Variants in TBC1D22A observed in about 807,000 individuals in gnomAD.
TBC1D22A encodes TBC1 domain family member 22A.
Under a neutral mutation model 60.2 loss-of-function variants are expected in TBC1D22A, and 38 were observed. The observed-to-expected ratio is 0.63, with a 90% CI of 0.49 to 0.83. TBC1D22A has a LOEUF of 0.83. Among genes scored for constraint, TBC1D22A ranks in the 40% least tolerant of loss-of-function variants. The probability of loss-of-function intolerance (pLI) is 0.00; values close to 1 mark genes in which losing one functional copy is unlikely to be tolerated. For missense variants in TBC1D22A, 628 were observed against 701.0 expected, an observed-to-expected ratio of 0.90 and a Z score of 1.18; for synonymous variants, 302 against 281.7, an observed-to-expected ratio of 1.07 and a Z score of -0.72.
At chr22:47,029,949 C>T (rs540757646) in intron 10 of TBC1D22A, among the ~76,000 whole-genome samples, 1 of 152,358 alleles carries the variant, frequency 6.6e-6, no homozygotes, top group African/African-American at 2.4e-5. Context: ...TGGCAGTGAG[C>T]GGTTCTTGGT....
At chr22:46,793,358 A>G in intron 2 of TBC1D22A, 143 bp from the exon 3 acceptor site, 1 of 802,904 alleles carries the variant, frequency 1.2e-6, no homozygotes, top group Non-Finnish European at 2.0e-6. Flanking sequence ...TGTCTCTGTG[A>G]ATTGTGTTTG....
intron 10 of TBC1D22A, among the ~76,000 whole-genome samples, chr22:47,030,305 A>G (rs2062424932): frequency 6.6e-6 from 1 of 152,170 alleles, no homozygotes; most frequent in Non-Finnish European, 1.5e-5. Flanking sequence ...TTCGGGTGAT[A>G]AATCTGAGTG....
chr22:47,062,660 C>G (rs1453682856), intron 11 of TBC1D22A, among the ~76,000 whole-genome samples: 1 of 152,174 alleles, frequency 6.6e-6, no homozygotes, highest in East Asian at 1.9e-4. Flanking sequence ...GAACACGAGG[C>G]AAATCCCTGG....
chr22:46,797,672 G>T, intron 4 of TBC1D22A, 52 bp downstream of exon 4: 1 of 1,513,074 alleles, frequency 6.6e-7, no homozygotes, highest in South Asian at 1.3e-5. Flanking sequence ...TGCTGTTTCT[G>T]AAATAGATCA....
intron 11 of TBC1D22A, among the ~76,000 whole-genome samples, chr22:47,091,592 CACGATAAGTCGTCTTTCGGGG>C (rs2064978652): frequency 6.6e-6 from 1 of 151,778 alleles, no homozygotes; most frequent in Non-Finnish European, 1.5e-5. Context: ...TAGAGACAGG[CACGATAAGTCGTCTTTCGGGG>C]AGTGGCCTCG....
intron 6 of TBC1D22A, among the ~76,000 whole-genome samples, chr22:46,891,853 G>A (rs1373590332): frequency 6.6e-6 from 1 of 152,188 alleles, no homozygotes; most frequent in Non-Finnish European, 1.5e-5. Flanking sequence ...ACCGACCCAG[G>A]AAAGGTGTGT....
In TBC1D22A at chr22:46,891,338, A is replaced by G. The variant is rs2068396602; in HGVS notation, c.781A>G (p.Ile261Val). ...QRKQKEYFAF[I>V]EHYYDSRNDE... ...AAAACAAAAAGAATATTTTGCATTT[A>G]TTGAGCACTATTACGATTCTAGGAA... Residue 261 changes from isoleucine (I) to valine (V), a missense_variant, in exon 6 of 13, where the codon ATT (isoleucine) becomes GTT (valine). Coordinates refer to ENST00000337137, the MANE Select transcript of TBC1D22A (RefSeq NM_014346.5). 1.9e-6 allele frequency: 3 copies of G among 1,613,566 alleles called. No homozygotes were observed. In the South Asian group the frequency reaches 3.3e-5, roughly 18 times the overall value.
At chr22:46,810,747 A>G (rs62233790) in intron 4 of TBC1D22A, among the ~76,000 whole-genome samples, 41,621 of 152,098 alleles carry the variant, frequency 0.27, 5,903 homozygotes, top group South Asian at 0.43. Flanking sequence ...TAAAACAATA[A>G]TTACATAATT....
At chr22:46,807,261 T>TGGTGATTGTGGG (rs1199958211) in intron 4 of TBC1D22A, among the ~76,000 whole-genome samples, 2 of 151,634 alleles carry the variant, frequency 1.3e-5, no homozygotes, top group African/African-American at 2.4e-5. Context: ...TTGATTGTGA[T>TGGTGATTGTGGG]GGTGATGGTG....
At chr22:46,869,671 G>A (rs989207820) in intron 4 of TBC1D22A, among the ~76,000 whole-genome samples, 1 of 152,238 alleles carries the variant, frequency 6.6e-6, no homozygotes, top group Non-Finnish European at 1.5e-5. Context: ...GTGACACTCA[G>A]CGTTTAGCCT....
chr22:47,173,913 C>T lies in TBC1D22A; in HGVS notation c.*287C>T. 2.8e-6 allele frequency: 1 copy of T among 359,886 alleles called. No homozygotes were observed. The allele number at this position is 359,886 out of a possible 1,614,324, so 22.3% of individuals were successfully genotyped here. A position where few individuals can be genotyped will look rare whatever the true frequency, so the allele number is the denominator to read the frequency against. On this transcript the variant is annotated 3_prime_UTR_variant, in exon 13 of 13. Coordinates refer to ENST00000337137, the MANE Select transcript of TBC1D22A (RefSeq NM_014346.5). ...TCTCCCTCTCCCTGCAATGTCCTTG[C>T]CAAATGACTGCCTCGTGCTGCCCCT...
chr22:46,991,198 T>A (rs2074926834), intron 9 of TBC1D22A, among the ~76,000 whole-genome samples: 1 of 152,000 alleles, frequency 6.6e-6, no homozygotes, highest in Admixed American at 6.6e-5. Flanking sequence ...ACCTGGCAGG[T>A]AGGAAAGCAG....
intron 10 of TBC1D22A, among the ~76,000 whole-genome samples, chr22:47,013,126 A>T (rs2061804980): frequency 6.6e-6 from 1 of 152,228 alleles, no homozygotes; most frequent in Admixed American, 6.5e-5. Flanking sequence ...CTTCCACTGC[A>T]TCTGTCCCAG....
chr22:46,864,642 G>A lies in TBC1D22A; in HGVS notation c.638-14011G>A, dbSNP rs953584376. 1.8e-4 allele frequency among the ~76,000 whole-genome samples: 28 copies of A among 152,302 alleles called. 1 individual carries two copies. The highest frequency in any genetic ancestry group is 3.7e-4 in the Non-Finnish European group (25 of 68,028). ...TCTCTTGCCCCCTATTTTCACCTGA[G>A]AAGAAACACAGCCTTTTTCAGAAAG... On this transcript the variant is annotated intron_variant, in intron 4 of 12. Coordinates refer to ENST00000337137, the MANE Select transcript of TBC1D22A (RefSeq NM_014346.5).
At chr22:46,874,588 T>A (rs907180903) in intron 4 of TBC1D22A, among the ~76,000 whole-genome samples, 1 of 138,932 alleles carries the variant, frequency 7.2e-6, no homozygotes, top group Non-Finnish European at 1.5e-5. Context: ...TTTTTTTTTT[T>A]TTTTGAGACA....
intron 12 of TBC1D22A, among the ~76,000 whole-genome samples, chr22:47,159,435 A>G (rs1324712951): frequency 2.6e-5 from 4 of 151,294 alleles, no homozygotes; most frequent in African/African-American, 7.3e-5. Flanking sequence ...CCATACAAAC[A>G]CACAGCATGT....
At chr22:46,918,186 T>G (rs2070508492) in intron 8 of TBC1D22A, among the ~76,000 whole-genome samples, 1 of 152,224 alleles carries the variant, frequency 6.6e-6, no homozygotes, top group Non-Finnish European at 1.5e-5. Flanking sequence ...TACTGTCACT[T>G]TCTTTGTTGC....
intron 10 of TBC1D22A, among the ~76,000 whole-genome samples, chr22:47,034,981 C>G (rs922936367): frequency 6.6e-6 from 1 of 152,092 alleles, no homozygotes; most frequent in African/African-American, 2.4e-5. Flanking sequence ...CCCAGCCACT[C>G]GTCCACCCAA....
chr22:47,031,202 A>G (rs1412587952), intron 10 of TBC1D22A, among the ~76,000 whole-genome samples: 1 of 152,202 alleles, frequency 6.6e-6, no homozygotes, highest in Non-Finnish European at 1.5e-5. Context: ...TCAGGAGTTC[A>G]AGGTCCTGTG....
Sources: gnomAD v4.1 joint callset for allele counts (sites outside exome capture counted in the v4.1 genomes callset) on GRCh38, gnomAD v4.1.1 for gene constraint, MANE v1.5 for transcripts, NCBI Gene and HGNC (gene_info 2026-07-23, HGNC 2026-07-21) for gene names.